Variants in CNGA1 observed in about 807,000 individuals in gnomAD.
CNGA1 encodes the protein cyclic nucleotide-gated channel alpha-1.
CNGA1 carries 53 observed loss-of-function variants against 69.7 expected under a neutral mutation model. The ratio of observed to expected loss-of-function variants is 0.76; its 90% CI spans 0.61 to 0.96. The LOEUF (loss-of-function observed/expected upper bound fraction) is 0.96. CNGA1 is among the 40% of genes least tolerant of loss of function. The pLI, the probability that CNGA1 is intolerant of heterozygous loss-of-function variation, is 0.00. For missense variants in CNGA1, 739 were observed against 811.2 expected (o/e 0.91, Z 1.08); for synonymous variants, 249 against 283.5 (o/e 0.88, Z 1.22).
intron 3 of CNGA1, among the ~76,000 whole-genome samples, chr4:47,963,159 C>G (rs1740550903): frequency 6.6e-6 from 1 of 152,182 alleles, no homozygotes; most frequent in East Asian, 1.9e-4. Flanking sequence ...CTTTATTGCT[C>G]AGGCTGGTCT....
Position 47,936,772 on chromosome 4 carries a change from G to T in CNGA1, c.1710C>A (p.Phe570Leu). The T allele has an allele frequency of 6.2e-7, 1 of 1,614,120 alleles. No individual in the cohort carries two copies. Among genetic ancestry groups the T allele is most frequent in the Non-Finnish European group, 8.5e-7 (1 of 1,180,012 alleles). The change falls in exon 11 of 11, where the codon TTC becomes TTA. Residue 570 changes from phenylalanine to leucine, a missense_variant. Coordinates refer to ENST00000514170, the MANE Select transcript of CNGA1 (RefSeq NM_001379270.1). ...NIKSIGYSDLFCLSKDDLMEA... is the reference protein window; with the variant it reads ...NIKSIGYSDLLCLSKDDLMEA... The stretch of plus-strand genomic sequence containing the variant: ...CCATGAGGTCATCTTTTGAGAGACA[G>T]AACAGGTCTGAGTAGCCAATACTTT...
intron 3 of CNGA1, among the ~76,000 whole-genome samples, chr4:47,981,086 C>G (rs1477336626): frequency 1.3e-5 from 2 of 152,106 alleles, no homozygotes; most frequent in Non-Finnish European, 2.9e-5. Flanking sequence ...TATGACACTT[C>G]CTTTGGGGAA....
chr4:47,971,014 G>A lies in CNGA1; in HGVS notation c.-15+10379C>T, dbSNP rs28475840. 0.16 allele frequency: 73,927 copies of A among 453,644 alleles called. 7,186 individuals are homozygous for A. The highest frequency in any genetic ancestry group is 0.34 in the East Asian group (4,816 of 14,306). The allele number at this position is 453,644 out of a possible 1,614,324, so 28.1% of individuals were successfully genotyped here. A position where few individuals can be genotyped will look rare whatever the true frequency, so the allele number is the denominator to read the frequency against. On this transcript the variant is annotated intron_variant, in intron 3 of 10. Transcript: ENST00000514170. ...CTACTAAAAATACAAAAATTAGCTG[G>A]AAATCGCTTGAATCTGGGAGGTGAA... is the stretch of plus-strand genomic sequence containing the variant.
At chr4:47,941,356 A>G (rs1739065095) in intron 9 of CNGA1, among the ~76,000 whole-genome samples, 1 of 152,156 alleles carries the variant, frequency 6.6e-6, no homozygotes, top group Admixed American at 6.5e-5. Context: ...TAAAACTAAA[A>G]TCAAAATATG....
chr4:47,953,890 C>G (rs1055160157), intron 3 of CNGA1, among the ~76,000 whole-genome samples: 1 of 150,978 alleles, frequency 6.6e-6, no homozygotes, highest in Non-Finnish European at 1.5e-5. Flanking sequence ...GGGCTCCACA[C>G]TCGGGCCTTA....
chr4:47,988,977 GT>G (rs11310963), intron 2 of CNGA1, among the ~76,000 whole-genome samples: 17,132 of 150,244 alleles, frequency 0.11, 1,545 homozygotes, highest in East Asian at 0.32. Flanking sequence ...ATTGTTCTTA[GT>G]TTTAAAAAAA....
chr4:47,971,104 A>G lies in CNGA1; in HGVS notation c.-15+10289T>C, dbSNP rs143892320. 8.7e-4 allele frequency: 368 copies of G among 422,614 alleles called. 1 individual carries two copies. The highest frequency in any genetic ancestry group is 6.4e-3 in the African/African-American group (310 of 48,410). 26.2% of individuals were successfully genotyped at this position (422,614 alleles called of 1,614,324 possible). On this transcript the variant is annotated intron_variant, in intron 3 of 10. Transcript: ENST00000514170. ...TGGGCGAAGAGCGAGACTCCATCTA[A>G]AAAAAAAAAATACAGTATGCTACCA...
At chr4:48,005,668 A>C (rs1714887534) in intron 2 of CNGA1, among the ~76,000 whole-genome samples, 1 of 152,168 alleles carries the variant, frequency 6.6e-6, no homozygotes, top group South Asian at 2.1e-4. Context: ...GACATTCTTT[A>C]CTTACCACAG....
At chr4:47,960,316 ACTGT>A (rs771721884) in intron 3 of CNGA1, among the ~76,000 whole-genome samples, 7 of 152,160 alleles carry the variant, frequency 4.6e-5, no homozygotes, top group Non-Finnish European at 8.8e-5. Context: ...TCTTTGGCAA[ACTGT>A]CTGGCAGTTA....
chr4:48,002,748 TC>T (rs1714719740), intron 2 of CNGA1, among the ~76,000 whole-genome samples: 1 of 151,690 alleles, frequency 6.6e-6, no homozygotes, highest in Non-Finnish European at 1.5e-5. Flanking sequence ...AGTGTTAGGT[TC>T]TACAATATTG....
chr4:47,949,914 G>C lies in CNGA1; in HGVS notation c.225-19C>G. ...CTGCTCCCTGGGAAATGAAAAACAT[G>C]CAGTGAAATCACAGTAGTCACCATC... On this transcript the variant is annotated intron_variant, in intron 5 of 10. Transcript: ENST00000514170. 6.2e-7 allele frequency: 1 copy of C among 1,612,688 alleles called. No homozygotes were observed. The highest frequency in any genetic ancestry group is 8.5e-7 in the Non-Finnish European group (1 of 1,178,690).
intron 2 of CNGA1, among the ~76,000 whole-genome samples, chr4:48,001,245 C>G (rs1235019727): frequency 1.3e-5 from 2 of 152,170 alleles, no homozygotes; most frequent in East Asian, 3.8e-4. Flanking sequence ...GCAGGTGGAT[C>G]TCTTGAGGTC....
At chr4:47,944,994 T>C (rs903571704) in intron 6 of CNGA1, among the ~76,000 whole-genome samples, 3 of 152,146 alleles carry the variant, frequency 2.0e-5, no homozygotes, top group African/African-American at 7.2e-5. Flanking sequence ...AGTTAGGGTA[T>C]TATTTAATGT....
At chr4:47,982,055 T>C (rs1741741792) in intron 2 of CNGA1, among the ~76,000 whole-genome samples, 1 of 152,176 alleles carries the variant, frequency 6.6e-6, no homozygotes, top group African/African-American at 2.4e-5. Flanking sequence ...AAAGAAAAAT[T>C]CATGCTTTAG....
At chr4:47,942,366 T>G (rs1739137766) in intron 8 of CNGA1, among the ~76,000 whole-genome samples, 1 of 151,236 alleles carries the variant, frequency 6.6e-6, no homozygotes, top group South Asian at 2.1e-4. Flanking sequence ...CCAGTTTTTT[T>G]TTTTTTTTTT....
intron 2 of CNGA1, among the ~76,000 whole-genome samples, chr4:47,984,647 A>AAAATATAT (rs141458781): frequency 1.6e-5 from 1 of 64,446 alleles, no homozygotes; most frequent in Non-Finnish European, 4.2e-5. Context: ...AAATAAAAAA[A>AAAATATAT]ATATATATAT....
chr4:47,959,964 A>T (rs569569638), intron 3 of CNGA1, among the ~76,000 whole-genome samples: 66 of 152,326 alleles, frequency 4.3e-4, no homozygotes, highest in African/African-American at 1.5e-3. Context: ...TTGCTTATCA[A>T]AAGACATATA....
In CNGA1 at chr4:47,947,456, C is replaced by T. The variant is rs150739422; in HGVS notation, c.287+2377G>A. 2.8e-3 allele frequency among the ~76,000 whole-genome samples: 433 copies of T among 152,198 alleles called. 4 individuals carry two copies. Among genetic ancestry groups the T allele is most frequent in the Middle Eastern group, 6.8e-3 (2 of 294 alleles). ...TTAGGACGCTGAGGTGGGAGGATCACGTGAGGCCAAGGAGTTAGAGACCAG... is the reference window on the plus strand; with the variant it reads ...TTAGGACGCTGAGGTGGGAGGATCATGTGAGGCCAAGGAGTTAGAGACCAG... On this transcript the variant is annotated intron_variant, in intron 6 of 10. Transcript: ENST00000514170.
intron 3 of CNGA1, among the ~76,000 whole-genome samples, chr4:47,974,240 A>T (rs1741227589): frequency 6.6e-6 from 1 of 152,232 alleles, no homozygotes; most frequent in Admixed American, 6.5e-5. Flanking sequence ...TGTACATAGA[A>T]CTAATAAGCA....
Sources: gnomAD v4.1 joint callset for allele counts (sites outside exome capture counted in the v4.1 genomes callset) on GRCh38, gnomAD v4.1.1 for gene constraint, MANE v1.5 for transcripts, NCBI Gene and HGNC (gene_info 2026-07-23, HGNC 2026-07-21) for gene names.